AGK: variants seen among roughly 807,000 people sequenced by gnomAD.
AGK encodes the protein acylglycerol kinase, also known as acylglycerol kinase, mitochondrial.
Under a neutral mutation model 66.4 loss-of-function variants are expected in AGK, and 52 were observed. The observed-to-expected ratio is 0.78, with a 90% CI of 0.63 to 0.99. The LOEUF (loss-of-function observed/expected upper bound fraction) is 0.99, where lower values mean the gene tolerates loss of function less well. Among genes scored for constraint, AGK ranks in the 50% least tolerant of loss-of-function variants. The pLI is 0.00. For synonymous variants in AGK, 182 were observed against 181.1 expected, an observed-to-expected ratio of 1.00 and a Z score of -0.04; for missense variants, 451 against 506.6, an observed-to-expected ratio of 0.89 and a Z score of 1.05.
At chr7:141,636,171 GT>G (rs1797164158) in intron 10 of AGK, among the ~76,000 whole-genome samples, 1 of 152,182 alleles carries the variant, frequency 6.6e-6, no homozygotes, top group Non-Finnish European at 1.5e-5. Context: ...TATAACATGA[GT>G]AATGTGAAAT....
chr7:141,652,638 A>C (rs1797589449), intron 15 of AGK, 149 bp from the exon 16 acceptor site: 1 of 753,244 alleles, frequency 1.3e-6, no homozygotes. Flanking sequence ...GTAGGCACTG[A>C]ATTTTTTTTT....
intron 11 of AGK, 75 bp from the exon 12 acceptor site, chr7:141,641,173 T>C (rs1343352539): frequency 7.1e-7 from 1 of 1,400,100 alleles, no homozygotes; most frequent in Non-Finnish European, 9.8e-7. Flanking sequence ...GACAAATAAA[T>C]AACTTTTGCA....
At chr7:141,633,188 C>G (rs772087522) in intron 9 of AGK, among the ~76,000 whole-genome samples, 1 of 152,096 alleles carries the variant, frequency 6.6e-6, no homozygotes, top group Non-Finnish European at 1.5e-5. Flanking sequence ...AGCTCTTAGA[C>G]TTTAGATGAA....
intron 2 of AGK, among the ~76,000 whole-genome samples, chr7:141,558,740 A>G (rs1217718114): frequency 2.0e-5 from 3 of 152,164 alleles, no homozygotes; most frequent in Non-Finnish European, 4.4e-5. Flanking sequence ...TTACAATCCC[A>G]CAAACGGTGT....
intron 11 of AGK, among the ~76,000 whole-genome samples, chr7:141,638,560 C>T (rs767000044): frequency 7.2e-5 from 11 of 151,874 alleles, no homozygotes; most frequent in Non-Finnish European, 1.0e-4. Context: ...TAGCTCAAGG[C>T]AAGGACATTA....
At chr7:141,618,561 G>A (rs1026995927) in intron 8 of AGK, among the ~76,000 whole-genome samples, 4 of 152,126 alleles carry the variant, frequency 2.6e-5, no homozygotes, top group Non-Finnish European at 5.9e-5. Context: ...ACTGAGTCTA[G>A]ATTCTATAAT....
At chr7:141,608,187 G>A (rs1796504715) in intron 5 of AGK, among the ~76,000 whole-genome samples, 1 of 152,168 alleles carries the variant, frequency 6.6e-6, no homozygotes, top group South Asian at 2.1e-4. Context: ...TGTATAATTT[G>A]TCAGATGGCA....
chr7:141,645,979 G>A (rs532546625), intron 13 of AGK, among the ~76,000 whole-genome samples: 4 of 152,186 alleles, frequency 2.6e-5, no homozygotes, highest in South Asian at 2.1e-4. Flanking sequence ...AAGCAGCATA[G>A]GACAGTGAGT....
At chr7:141,595,734 A>G (rs1449599660) in intron 3 of AGK, among the ~76,000 whole-genome samples, 1 of 152,180 alleles carries the variant, frequency 6.6e-6, no homozygotes, top group Admixed American at 6.5e-5. Flanking sequence ...CAATTCAGAC[A>G]TAATAGCAAG....
At chr7:141,596,479 A>AT (rs1038756535) in intron 3 of AGK, 83 bp from the exon 4 acceptor site, 101 of 1,282,328 alleles carry the variant, frequency 7.9e-5, no homozygotes, top group East Asian at 6.5e-4. Context: ...CTGCAAGTAC[A>AT]TTTTTTTTGG....
chr7:141,597,463 A>G (rs1796251434), intron 4 of AGK: 1 of 152,336 alleles, frequency 6.6e-6, no homozygotes, highest in South Asian at 2.1e-4. Flanking sequence ...TTTAGAATAA[A>G]TAATTAACAT....
intron 5 of AGK, among the ~76,000 whole-genome samples, chr7:141,608,696 T>G (rs1337504418): frequency 6.6e-6 from 1 of 152,240 alleles, no homozygotes; most frequent in Non-Finnish European, 1.5e-5. Context: ...CATCACATTT[T>G]GGACATAGAT....
intron 2 of AGK, among the ~76,000 whole-genome samples, chr7:141,569,196 A>G (rs1795537970): frequency 6.6e-6 from 1 of 152,168 alleles, no homozygotes; most frequent in Non-Finnish European, 1.5e-5. Flanking sequence ...AGTTTGCCTG[A>G]GGGGTGTGTT....
chr7:141,567,133 A>G (rs1795489085), intron 2 of AGK, among the ~76,000 whole-genome samples: 1 of 152,088 alleles, frequency 6.6e-6, no homozygotes, highest in African/African-American at 2.4e-5. Flanking sequence ...TGTGCCTTGA[A>G]TGTTGGTGTC....
At chr7:141,556,264 C>T (rs71522144) in intron 2 of AGK, among the ~76,000 whole-genome samples, 2 of 152,026 alleles carry the variant, frequency 1.3e-5, no homozygotes, top group Non-Finnish European at 2.9e-5. Flanking sequence ...GAATGGGAGG[C>T]GGTGGGGCGC....
Position 141,601,265 on chromosome 7 carries a change from T to C in AGK, c.282T>C (p.Asp94=). The C allele has an allele frequency of 6.2e-7, 1 of 1,612,720 alleles. No homozygotes were observed. Among genetic ancestry groups the C allele is most frequent in the Non-Finnish European group, 8.5e-7 (1 of 1,179,144 alleles). ...CGATTTTACATTTATCTGGCATGGA[T>C]GTGACTATTGTTAAGGTAAGAATGG... ...AAPILHLSGM[D]VTIVKTDYEG... is the part of the protein sequence containing the mutation. The change falls in exon 5 of 16, where the codon GAT becomes GAC. Residue 94 remains aspartate (D), a synonymous_variant. Transcript: ENST00000649286.
intron 1 of AGK, among the ~76,000 whole-genome samples, chr7:141,554,950 A>G (rs917838750): frequency 2.0e-5 from 3 of 152,006 alleles, no homozygotes; most frequent in Non-Finnish European, 2.9e-5. Flanking sequence ...TTTTCTATCC[A>G]TGTTTTCTGT....
At chr7:141,589,901 T>C (rs1320504664) in intron 2 of AGK, among the ~76,000 whole-genome samples, 1 of 152,148 alleles carries the variant, frequency 6.6e-6, no homozygotes, top group Non-Finnish European at 1.5e-5. Flanking sequence ...TTTTGTAATA[T>C]CAAAATTGGA....
At chr7:141,567,262 C>T (rs1350189081) in intron 2 of AGK, among the ~76,000 whole-genome samples, 1 of 152,080 alleles carries the variant, frequency 6.6e-6, no homozygotes, top group Non-Finnish European at 1.5e-5. Flanking sequence ...TACTGCTTCT[C>T]TTGACATTTT....
Sources: gnomAD v4.1 joint callset for allele counts (sites outside exome capture counted in the v4.1 genomes callset) on GRCh38, gnomAD v4.1.1 for gene constraint, MANE v1.5 for transcripts, NCBI Gene and HGNC (gene_info 2026-07-23, HGNC 2026-07-21) for gene names.